The following GLI2 variants were observed in gnomAD, a reference collection of about 807,000 sequenced individuals.
GLI2 encodes transcription activator GLI2.
GLI2 carries 22 observed loss-of-function variants against 78.9 expected under a neutral mutation model. The ratio of observed to expected loss-of-function variants is 0.28; its 90% CI spans 0.20 to 0.40. The LOEUF is 0.40. Ranked by LOEUF, GLI2 falls within the 10% of genes least tolerant of loss-of-function variation. GLI2 has a pLI of 1.00. For missense variants in GLI2, 2,097 were observed against 2,213.2 expected (o/e 0.95, Z 1.05); for synonymous variants, 974 against 963.7 (o/e 1.01, Z -0.20).
chr2:120,946,713 C>T (rs1197982073), intron 3 of GLI2, among the ~76,000 whole-genome samples: 1 of 152,206 alleles, frequency 6.6e-6, no homozygotes, highest in African/African-American at 2.4e-5. Context: ...ATCGTCTGCT[C>T]ACTGGCGCTG....
intron 2 of GLI2, among the ~76,000 whole-genome samples, chr2:120,798,256 G>A (rs767416152): frequency 6.6e-5 from 10 of 152,238 alleles, no homozygotes; most frequent in Non-Finnish European, 7.3e-5. Flanking sequence ...TTCTTCCGGC[G>A]GGCGCTTGGG....
At chr2:120,754,054 C>G (rs1041737142) in intron 1 of GLI2, among the ~76,000 whole-genome samples, 1 of 151,840 alleles carries the variant, frequency 6.6e-6, no homozygotes, top group Non-Finnish European at 1.5e-5. Flanking sequence ...GGATATATTG[C>G]GTAGTGGTAA....
At chr2:120,948,121 G>T (rs1049972875) in intron 3 of GLI2, among the ~76,000 whole-genome samples, 1 of 152,224 alleles carries the variant, frequency 6.6e-6, no homozygotes, top group Non-Finnish European at 1.5e-5. Context: ...GGGAGTCCCA[G>T]CCTGGGAGTG....
At chr2:120,802,888 T>A (rs1488560176) in intron 2 of GLI2, among the ~76,000 whole-genome samples, 1 of 152,254 alleles carries the variant, frequency 6.6e-6, no homozygotes, top group Non-Finnish European at 1.5e-5. Context: ...CCCCTGGGAA[T>A]TGTTAGAAAT....
intron 6 of GLI2, among the ~76,000 whole-genome samples, chr2:120,969,859 G>A (rs1392804593): frequency 6.6e-6 from 1 of 152,228 alleles, no homozygotes; most frequent in African/African-American, 2.4e-5. Flanking sequence ...AAGCCACGAT[G>A]TCTTTTACGG....
chr2:120,955,085 A>T (rs1320142003), intron 4 of GLI2, among the ~76,000 whole-genome samples, 160 bp from the exon 5 acceptor site: 1 of 151,264 alleles, frequency 6.6e-6, no homozygotes, highest in African/African-American at 2.4e-5. Context: ...GCACAGTGCA[A>T]ACAGTGGGGC....
chr2:120,773,686 C>T (rs1355051610), intron 1 of GLI2, among the ~76,000 whole-genome samples: 1 of 152,118 alleles, frequency 6.6e-6, no homozygotes, highest in Non-Finnish European at 1.5e-5. Flanking sequence ...AGTGATTGGG[C>T]CAGCAGAACT....
intron 2 of GLI2, among the ~76,000 whole-genome samples, chr2:120,838,594 C>T (rs1686723478): frequency 6.6e-6 from 1 of 152,154 alleles, no homozygotes; most frequent in Non-Finnish European, 1.5e-5. Flanking sequence ...TCTTAGTCCA[C>T]TTTGTGTTGC....
intron 5 of GLI2, among the ~76,000 whole-genome samples, chr2:120,961,675 G>T (rs371146007): frequency 2.6e-5 from 4 of 152,194 alleles, no homozygotes; most frequent in African/African-American, 9.7e-5. Context: ...GGTGTGGGGG[G>T]CATTAAGGTC....
chr2:120,850,780 G>A (rs1687370004), intron 2 of GLI2, among the ~76,000 whole-genome samples: 2 of 152,214 alleles, frequency 1.3e-5, no homozygotes, highest in Admixed American at 6.5e-5. Context: ...GCGAGAGGCA[G>A]GGGTTGGCCT....
At position 120,989,979 on chromosome 2, in the gene GLI2, A is replaced by T. The variant is rs374113689; in HGVS notation, c.4014A>T (p.Gln1338His). ...GCCAGCCTGGCTTCATGGAGCCCCAAACAGGCCCGATGGGGGTGGCTACAG... is the reference window on the plus strand; with the variant it reads ...GCCAGCCTGGCTTCATGGAGCCCCATACAGGCCCGATGGGGGTGGCTACAG... ...PARQPGFMEP[Q>H]TGPMGVATAG... Residue 1338 changes from glutamine (Q) to histidine (H), a missense_variant, in exon 14 of 14, where the codon CAA (glutamine) becomes CAT (histidine). By Grantham distance (24) the Gln-to-His change is conservative. Coordinates refer to ENST00000361492, the MANE Select transcript of GLI2 (RefSeq NM_001374353.1). 1 of 1,610,678 alleles carries T rather than the reference A, an allele frequency of 6.2e-7. No homozygotes were observed. The highest frequency in any genetic ancestry group is 8.5e-7 in the Non-Finnish European group (1 of 1,178,852).
At chr2:120,837,211 G>A (rs965084034) in intron 2 of GLI2, among the ~76,000 whole-genome samples, 6 of 152,104 alleles carry the variant, frequency 3.9e-5, no homozygotes, top group African/African-American at 1.2e-4. Flanking sequence ...TGGCTAACAC[G>A]GTGAAACCCT....
At chr2:120,901,111 C>G (rs1678230829) in intron 2 of GLI2, among the ~76,000 whole-genome samples, 1 of 152,140 alleles carries the variant, frequency 6.6e-6, no homozygotes, top group Admixed American at 6.5e-5. Context: ...GCCACTTAAG[C>G]TTTACCAAAA....
intron 2 of GLI2, among the ~76,000 whole-genome samples, chr2:120,840,762 G>A (rs1686828071): frequency 6.6e-6 from 1 of 152,198 alleles, no homozygotes; most frequent in African/African-American, 2.4e-5. Flanking sequence ...AGGGTATCCA[G>A]CCTGTTACTA....
chr2:120,773,097 G>A (rs1040255494), intron 1 of GLI2, among the ~76,000 whole-genome samples: 1 of 152,140 alleles, frequency 6.6e-6, no homozygotes, highest in Non-Finnish European at 1.5e-5. Context: ...TCACTATTTT[G>A]ACAGTATGTG....
chr2:120,775,899 C>T (rs539154957), intron 1 of GLI2, among the ~76,000 whole-genome samples: 1 of 152,326 alleles, frequency 6.6e-6, no homozygotes, highest in South Asian at 2.1e-4. Context: ...ACAGCAGACC[C>T]GGCCTTCCCC....
intron 9 of GLI2, among the ~76,000 whole-genome samples, chr2:120,977,542 G>A (rs907326219): frequency 6.6e-6 from 1 of 152,180 alleles, no homozygotes; most frequent in African/African-American, 2.4e-5. Context: ...GGGTCTAGAG[G>A]TTGTGGGAGG....
At chr2:120,782,308 GGATA>G (rs1683872861) in intron 1 of GLI2, among the ~76,000 whole-genome samples, 4 of 152,114 alleles carry the variant, frequency 2.6e-5, no homozygotes, top group Non-Finnish European at 5.9e-5. Context: ...CTTCCTTCAG[GGATA>G]GCTGGAGTTC....
intron 1 of GLI2, among the ~76,000 whole-genome samples, chr2:120,785,792 TG>T (rs1683980705): frequency 6.6e-6 from 1 of 152,204 alleles, no homozygotes; most frequent in South Asian, 2.1e-4. Flanking sequence ...CTGTACTCCC[TG>T]GGGGTCCAGC....
Sources: allele counts gnomAD v4.1 joint callset (sites outside exome capture counted in the v4.1 genomes callset), GRCh38; gene constraint gnomAD v4.1.1; transcripts MANE v1.5; gene names NCBI Gene and HGNC (gene_info 2026-07-23, HGNC 2026-07-21).